ERC2: variants seen among roughly 807,000 people sequenced by gnomAD.
ERC2 encodes ERC protein 2.
Under a neutral mutation model 114.8 loss-of-function variants are expected in ERC2, and 42 were observed. That is an observed-to-expected ratio of 0.37 (90% CI 0.29 to 0.47). The LOEUF (loss-of-function observed/expected upper bound fraction) is 0.47. Among genes scored for constraint, ERC2 ranks in the 20% least tolerant of loss-of-function variants. ERC2 has a pLI of 0.99. For synonymous variants in ERC2, 454 were observed against 425.5 expected, an observed-to-expected ratio of 1.07 and a Z score of -0.82; for missense variants, 939 against 1,150.7, an observed-to-expected ratio of 0.82 and a Z score of 2.66.
At chr3:55,960,214 C>T (rs913683062) in intron 12 of ERC2, among the ~76,000 whole-genome samples, 2 of 152,208 alleles carry the variant, frequency 1.3e-5, no homozygotes, top group Non-Finnish European at 2.9e-5. Flanking sequence ...AATCTTCCAA[C>T]GGCTTCCCTT....
chr3:56,032,989 A>G (rs1370137380), intron 7 of ERC2, among the ~76,000 whole-genome samples: 1 of 115,142 alleles, frequency 8.7e-6, no homozygotes, highest in Admixed American at 8.6e-5. Flanking sequence ...GAAAGAAAGA[A>G]AGAAAGAAAG....
At chr3:55,544,968 G>T (rs1197510810) in intron 17 of ERC2, among the ~76,000 whole-genome samples, 1 of 152,176 alleles carries the variant, frequency 6.6e-6, no homozygotes, top group East Asian at 1.9e-4. Flanking sequence ...TACTTCTGTG[G>T]TTATCATTGT....
At chr3:55,813,652 C>T (rs2059803613) in intron 14 of ERC2, among the ~76,000 whole-genome samples, 1 of 152,134 alleles carries the variant, frequency 6.6e-6, no homozygotes. Flanking sequence ...GCCTTCTTCT[C>T]AGTACTGGCT....
intron 12 of ERC2, among the ~76,000 whole-genome samples, chr3:55,981,511 T>G (rs1275794749): frequency 6.6e-6 from 1 of 152,194 alleles, no homozygotes. Context: ...GGAGGGATCA[T>G]GTCAGTTTTA....
chr3:55,744,472 C>A (rs1050523348), intron 14 of ERC2, among the ~76,000 whole-genome samples: 5 of 152,132 alleles, frequency 3.3e-5, no homozygotes, highest in African/African-American at 1.2e-4. Context: ...AGAAGTGCAA[C>A]TTTGTAACTT....
intron 13 of ERC2, among the ~76,000 whole-genome samples, chr3:55,935,949 T>C (rs2066417003): frequency 6.6e-6 from 1 of 152,214 alleles, no homozygotes; most frequent in Non-Finnish European, 1.5e-5. Flanking sequence ...ACAAACTTCA[T>C]GACAAAATCT....
chr3:56,455,763 G>A (rs1202325678), intron 1 of ERC2, among the ~76,000 whole-genome samples: 1 of 152,064 alleles, frequency 6.6e-6, no homozygotes. Flanking sequence ...TCAGTTTCAG[G>A]AAGAGACTAA....
intron 3 of ERC2, among the ~76,000 whole-genome samples, chr3:56,216,025 C>A (rs1433335033): frequency 1.3e-5 from 2 of 151,906 alleles, no homozygotes; most frequent in African/African-American, 4.8e-5. Flanking sequence ...GCACTAAATG[C>A]CCACAAGAAA....
intron 13 of ERC2, among the ~76,000 whole-genome samples, chr3:55,923,849 C>T (rs1472142205): frequency 6.6e-6 from 1 of 152,140 alleles, no homozygotes; most frequent in African/African-American, 2.4e-5. Flanking sequence ...CACTGCCTTG[C>T]ACTGAGTCCC....
chr3:55,548,832 C>T (rs1343883159), intron 17 of ERC2, among the ~76,000 whole-genome samples: 1 of 152,102 alleles, frequency 6.6e-6, no homozygotes, highest in Non-Finnish European at 1.5e-5. Context: ...TGGGAGAGTT[C>T]CTGGGTCAAC....
chr3:55,954,973 G>C (rs1375920767), intron 12 of ERC2, among the ~76,000 whole-genome samples: 1 of 151,836 alleles, frequency 6.6e-6, no homozygotes, highest in African/African-American at 2.4e-5. Flanking sequence ...ATAAAATCAG[G>C]CTCGCTAAAA....
At chr3:56,152,273 C>G (rs985641515) in intron 4 of ERC2, among the ~76,000 whole-genome samples, 3 of 152,010 alleles carry the variant, frequency 2.0e-5, no homozygotes, top group African/African-American at 7.3e-5. Flanking sequence ...GTATTACTGC[C>G]TCTAGAAGTC....
intron 6 of ERC2, among the ~76,000 whole-genome samples, chr3:56,081,249 C>T (rs1330922490): frequency 2.0e-5 from 3 of 151,962 alleles, no homozygotes; most frequent in African/African-American, 4.8e-5. Context: ...AGTAGGTTTC[C>T]ATGTTTGTTT....
At chr3:56,418,164 G>T (rs970624840) in intron 2 of ERC2, among the ~76,000 whole-genome samples, 3 of 151,966 alleles carry the variant, frequency 2.0e-5, no homozygotes, top group African/African-American at 7.3e-5. Flanking sequence ...TGAGCATGTT[G>T]GTACATGCCT....
At position 55,528,534 on chromosome 3, in the gene ERC2, CA is replaced by C. The variant is rs555443938; in HGVS notation, c.*40-17259del. Among the ~76,000 whole-genome samples the C allele has an allele frequency of 1.1e-3, 159 of 146,150 alleles. No individual in the cohort carries two copies. The South Asian group carries it at 0.011, about 10-fold the overall frequency. Reference sequence around the variant, plus strand: ...GACTGTGCATAGATACTTTATTTGACAAAAAAAAAAATTTTAGCACTCTCAC... The same window carrying C: ...GACTGTGCATAGATACTTTATTTGACAAAAAAAAAATTTTAGCACTCTCAC... On this transcript the variant is annotated intron_variant, in intron 17 of 17. Coordinates refer to ENST00000288221, the MANE Select transcript of ERC2 (RefSeq NM_015576.3).
chr3:55,583,501 C>G (rs1329432861), intron 17 of ERC2, among the ~76,000 whole-genome samples: 1 of 38,106 alleles, frequency 2.6e-5, no homozygotes, highest in Admixed American at 2.4e-4. Flanking sequence ...CTCTCCTTCC[C>G]TCCCTCCCTC....
chr3:55,719,285 T>C (rs930711040), intron 15 of ERC2, among the ~76,000 whole-genome samples: 1 of 152,116 alleles, frequency 6.6e-6, no homozygotes, highest in African/African-American at 2.4e-5. Flanking sequence ...GGGCTCTTTA[T>C]GTGAAAAAAG....
intron 2 of ERC2, among the ~76,000 whole-genome samples, chr3:56,351,952 A>C (rs4591474): frequency 6.6e-6 from 1 of 152,154 alleles, no homozygotes; most frequent in Admixed American, 6.5e-5. Flanking sequence ...CATGAGATAC[A>C]GGGAGTAGAG....
chr3:56,106,221 T>C (rs1452340760), intron 6 of ERC2, among the ~76,000 whole-genome samples: 1 of 152,120 alleles, frequency 6.6e-6, no homozygotes, highest in Admixed American at 6.6e-5. Flanking sequence ...AGGCAGAAGG[T>C]TCAACAGGAA....
Sources: gnomAD v4.1 joint callset for allele counts (sites outside exome capture counted in the v4.1 genomes callset) on GRCh38, gnomAD v4.1.1 for gene constraint, MANE v1.5 for transcripts, NCBI Gene and HGNC (gene_info 2026-07-23, HGNC 2026-07-21) for gene names.